Variants in CCDC171 observed in about 807,000 individuals in gnomAD.
CCDC171 encodes the protein coiled-coil domain-containing protein 171.
A neutral mutation model predicts 168.2 loss-of-function variants in CCDC171; 177 were observed. That is an observed-to-expected ratio of 1.05 (90% CI 0.93 to 1.19). The LOEUF is 1.19. Ranked by LOEUF, CCDC171 falls within the 50% of genes most tolerant of loss-of-function variation. The pLI is 0.00. For synonymous variants in CCDC171, 687 were observed against 540.8 expected (o/e 1.27, Z -3.75); for missense variants, 1,991 against 1,539.0 (o/e 1.29, Z -4.91).
intron 8 of CCDC171, among the ~76,000 whole-genome samples, chr9:15,663,179 G>T (rs1333063801): frequency 6.6e-6 from 1 of 152,202 alleles, no homozygotes; most frequent in African/African-American, 2.4e-5. Flanking sequence ...CTGGGATTCA[G>T]CCTGAGTTTT....
At chr9:16,093,499 T>C in the CCDC171 span, among the ~76,000 whole-genome samples, 1 of 152,254 alleles carries the variant, frequency 6.6e-6, no homozygotes, top group Non-Finnish European at 1.5e-5. Context: ...ACGTTTGAAA[T>C]ATTCTAGTCT....
chr9:15,595,860 C>T (rs4741512), intron 6 of CCDC171, among the ~76,000 whole-genome samples: 73,621 of 151,858 alleles, frequency 0.48, 18,235 homozygotes, highest in East Asian at 0.75. Context: ...GAGATAGGTA[C>T]CTCATTGTGG....
At chr9:15,711,946 T>G (rs2052699706) in intron 11 of CCDC171, among the ~76,000 whole-genome samples, 2 of 152,278 alleles carry the variant, frequency 1.3e-5, no homozygotes, top group South Asian at 4.1e-4. Context: ...GGCGAGGTGG[T>G]CCACACCTGT....
At chr9:15,997,470 A>G (rs2132936438) in intron 3 of CCDC171, among the ~76,000 whole-genome samples, 1 of 152,262 alleles carries the variant, frequency 6.6e-6, no homozygotes, top group South Asian at 2.1e-4. Flanking sequence ...TTCAGAGTGG[A>G]CCACCTGCTT....
chr9:15,778,190 G>T (rs1050445301), intron 19 of CCDC171, among the ~76,000 whole-genome samples: 1 of 151,384 alleles, frequency 6.6e-6, no homozygotes, highest in African/African-American at 2.4e-5. Flanking sequence ...CCAGCTACTC[G>T]GGAGGCTGAG....
At chr9:15,644,620 C>T (rs769237120) in intron 7 of CCDC171, among the ~76,000 whole-genome samples, 2 of 152,238 alleles carry the variant, frequency 1.3e-5, no homozygotes, top group Non-Finnish European at 2.9e-5. Flanking sequence ...CGGAGAGTCC[C>T]ATGCCCACGG....
intron 25 of CCDC171, among the ~76,000 whole-genome samples, chr9:15,961,050 T>G: frequency 6.6e-6 from 1 of 152,154 alleles, no homozygotes. Context: ...AAATGAGAAT[T>G]TAATGCTAAG....
At chr9:15,964,814 G>A (rs1342324446) in intron 25 of CCDC171, among the ~76,000 whole-genome samples, 1 of 152,160 alleles carries the variant, frequency 6.6e-6, no homozygotes, top group Non-Finnish European at 1.5e-5. Flanking sequence ...AGGCTGGAGT[G>A]CAATGGCGCG....
chr9:15,762,904 A>T (rs1304715193), intron 18 of CCDC171, among the ~76,000 whole-genome samples: 2 of 152,104 alleles, frequency 1.3e-5, no homozygotes, highest in African/African-American at 4.8e-5. Flanking sequence ...AGTGCAAAGG[A>T]GTGTAGCTGA....
chr9:15,721,953 TC>T (rs1354700887), intron 12 of CCDC171, 78 bp downstream of exon 12: 20 of 594,122 alleles, frequency 3.4e-5, no homozygotes, highest in Non-Finnish European at 5.1e-5. Context: ...GTTACAAAGG[TC>T]AAAAAGATTG....
intron 24 of CCDC171, among the ~76,000 whole-genome samples, chr9:15,880,612 A>G (rs956789616): frequency 2.8e-5 from 4 of 142,868 alleles, no homozygotes; most frequent in South Asian, 2.3e-4. Context: ...ATGTGCCACC[A>G]TGCCCGCCTA....
chr9:15,741,076 C>T (rs1324582152), intron 16 of CCDC171, among the ~76,000 whole-genome samples: 1 of 151,780 alleles, frequency 6.6e-6, no homozygotes, highest in Admixed American at 6.6e-5. Flanking sequence ...CCATTATTTT[C>T]TTTTTTGTTT....
chr9:15,655,977 G>A (rs1253253970), intron 7 of CCDC171, among the ~76,000 whole-genome samples: 2 of 152,170 alleles, frequency 1.3e-5, no homozygotes, highest in African/African-American at 4.8e-5. Context: ...ATTGGTGTTA[G>A]TAATCTAAAT....
the CCDC171 span, among the ~76,000 whole-genome samples, chr9:16,101,590 G>A: frequency 2.0e-3 from 301 of 152,346 alleles, 1 homozygote; most frequent in Non-Finnish European, 3.2e-3. Context: ...AATTATCTGG[G>A]TGTGCCTAAC....
At chr9:15,789,903 C>T (rs973952339) in intron 21 of CCDC171, among the ~76,000 whole-genome samples, 1 of 152,222 alleles carries the variant, frequency 6.6e-6, no homozygotes, top group East Asian at 1.9e-4. Flanking sequence ...TTTCCAGCTT[C>T]ATCCATGTCC....
intron 20 of CCDC171, among the ~76,000 whole-genome samples, 189 bp from the exon 21 acceptor site, chr9:15,784,320 C>T (rs2057823512): frequency 6.6e-6 from 1 of 151,950 alleles, no homozygotes; most frequent in Non-Finnish European, 1.5e-5. Context: ...CTAAGTGTGG[C>T]TGTTTTGCTT....
intron 23 of CCDC171, among the ~76,000 whole-genome samples, chr9:15,869,441 A>T (rs941564083): frequency 4.0e-5 from 6 of 150,812 alleles, no homozygotes; most frequent in African/African-American, 1.5e-4. Context: ...TTTCTTCTAC[A>T]TTGTAGAATT....
At chr9:15,809,716 C>T (rs566443951) in intron 21 of CCDC171, among the ~76,000 whole-genome samples, 169 of 152,276 alleles carry the variant, frequency 1.1e-3, no homozygotes, top group Middle Eastern at 3.4e-3. Context: ...AGTGTTACAG[C>T]TCATAAAGGC....
At position 15,680,095 on chromosome 9, in the gene CCDC171, A is replaced by T. The variant is rs189998717; in HGVS notation, c.1215+1199A>T. On this transcript the variant is annotated intron_variant, in intron 10 of 25. Transcript: ENST00000380701. ...TACTTAGTTCAGCATCTTTATCATA[A>T]TACTCACCGAAATTTGATGTGTATT... Among the ~76,000 whole-genome samples the T allele has an allele frequency of 3.3e-5, 5 of 152,280 alleles. No individual in the cohort carries two copies. The East Asian group carries it at 5.8e-4, about 18-fold the overall frequency.
Sources: gnomAD v4.1 joint callset for allele counts (sites outside exome capture counted in the v4.1 genomes callset) on GRCh38, gnomAD v4.1.1 for gene constraint, MANE v1.5 for transcripts, NCBI Gene and HGNC (gene_info 2026-07-23, HGNC 2026-07-21) for gene names.